Variants in TMEM131L observed in about 807,000 individuals in gnomAD.
TMEM131L encodes transmembrane protein 131-like.
TMEM131L carries 54 observed loss-of-function variants against 192.2 expected under a neutral mutation model. The ratio of observed to expected loss-of-function variants is 0.28; its 90% CI spans 0.23 to 0.35. The LOEUF is 0.35. Ranked by LOEUF, TMEM131L falls within the 10% of genes least tolerant of loss-of-function variation. TMEM131L has a pLI of 1.00. For missense variants in TMEM131L, 1,888 were observed against 1,972.9 expected (o/e 0.96, Z 0.82); for synonymous variants, 701 against 704.9 (o/e 0.99, Z 0.09).
Position 153,586,355 on chromosome 4 carries a change from A to G in TMEM131L, c.1458A>G (p.Leu486=). The change falls in exon 14 of 35, where the codon CTA becomes CTG. Residue 486 remains leucine (L), a synonymous_variant. Transcript: ENST00000409959. The part of the protein sequence containing the change: ...TNIGAIFAIP[L]QIYSAPTKEG... ...TAGGTGCCATTTTTGCAATACCTCTACAGATTTATTCAGCACCAACCAAGG... is the reference window on the plus strand; with the variant it reads ...TAGGTGCCATTTTTGCAATACCTCTGCAGATTTATTCAGCACCAACCAAGG... 1 of 1,604,204 alleles carries G rather than the reference A, an allele frequency of 6.2e-7. No homozygotes were observed. The highest frequency in any genetic ancestry group is 1.1e-5 in the South Asian group (1 of 88,014).
chr4:153,574,520 CTGTG>C (rs1435091719), intron 7 of TMEM131L, among the ~76,000 whole-genome samples: 1 of 152,176 alleles, frequency 6.6e-6, no homozygotes, highest in Non-Finnish European at 1.5e-5. Context: ...GTGCATAATA[CTGTG>C]TGTGGGGGCC....
At chr4:153,631,845 A>G (rs930432045) in intron 31 of TMEM131L, among the ~76,000 whole-genome samples, 2 of 152,110 alleles carry the variant, frequency 1.3e-5, no homozygotes, top group African/African-American at 2.4e-5. Context: ...CTTCCTGGCT[A>G]CACTGATATC....
At chr4:153,532,245 A>G (rs951445154) in intron 3 of TMEM131L, among the ~76,000 whole-genome samples, 1 of 152,222 alleles carries the variant, frequency 6.6e-6, no homozygotes, top group African/African-American at 2.4e-5. Context: ...AATCAAATGC[A>G]TCTGCATATG....
chr4:153,540,629 A>G (rs1736705646), intron 3 of TMEM131L, among the ~76,000 whole-genome samples: 1 of 152,236 alleles, frequency 6.6e-6, no homozygotes, highest in Admixed American at 6.5e-5. Context: ...GAAGAAATGA[A>G]TGTTGGTGGG....
chr4:153,634,937 C>G (rs1020399722), intron 33 of TMEM131L, among the ~76,000 whole-genome samples: 3 of 152,136 alleles, frequency 2.0e-5, no homozygotes, highest in Admixed American at 1.3e-4. Context: ...TTGCTCCATG[C>G]TAACCACAAG....
At chr4:153,530,466 A>G (rs186556003) in intron 3 of TMEM131L, among the ~76,000 whole-genome samples, 103 of 152,262 alleles carry the variant, frequency 6.8e-4, no homozygotes, top group African/African-American at 2.4e-3. Context: ...GCCCAAAGGA[A>G]GTACTGTAGG....
At chr4:153,579,963 G>A (rs1388892111) in intron 7 of TMEM131L, among the ~76,000 whole-genome samples, 1 of 152,194 alleles carries the variant, frequency 6.6e-6, no homozygotes, top group Non-Finnish European at 1.5e-5. Flanking sequence ...AGGCTTTGGA[G>A]AATGCCTTCT....
At chr4:153,586,789 C>T (rs1026255717) in intron 14 of TMEM131L, among the ~76,000 whole-genome samples, 8 of 152,042 alleles carry the variant, frequency 5.3e-5, no homozygotes, top group Non-Finnish European at 8.8e-5. Context: ...CTTAGTTGCT[C>T]GTAATCCTTG....
intron 3 of TMEM131L, among the ~76,000 whole-genome samples, chr4:153,546,598 A>G (rs750610714): frequency 1.7e-4 from 26 of 152,184 alleles, no homozygotes; most frequent in Non-Finnish European, 3.4e-4. Context: ...ACTAAATTTT[A>G]GCAGTTTGTT....
intron 3 of TMEM131L, among the ~76,000 whole-genome samples, chr4:153,542,012 G>A (rs1344385964): frequency 1.3e-5 from 2 of 152,184 alleles, no homozygotes; most frequent in African/African-American, 4.8e-5. Context: ...GGTAAAACTA[G>A]TATCTGGCCC....
intron 7 of TMEM131L, among the ~76,000 whole-genome samples, chr4:153,574,744 T>A (rs1415228344): frequency 6.6e-6 from 1 of 152,164 alleles, no homozygotes; most frequent in Non-Finnish European, 1.5e-5. Flanking sequence ...TGTGCCACCA[T>A]GCCCAGCAAA....
At position 153,556,011 on chromosome 4, in the gene TMEM131L, C is replaced by T. The variant is rs1385601592; in HGVS notation, c.432+101C>T. ...TTTACTTTCTGCTCCCTGTCTCCCG[C>T]TTTTTCTGGTACCCAAACCTTTTCC... On this transcript the variant is annotated intron_variant, in intron 5 of 34. Coordinates refer to ENST00000409959, the MANE Select transcript of TMEM131L (RefSeq NM_001131007.2). 42 of 1,137,830 alleles carry T rather than the reference C, an allele frequency of 3.7e-5. No individual in the cohort carries two copies. The South Asian group carries it at 3.9e-4, about 11-fold the overall frequency. 70.5% of individuals were successfully genotyped at this position (1,137,830 alleles called of 1,614,324 possible).
rs146783878 is a variant in TMEM131L at position 153,592,501 on chromosome 4, G to T, written c.1839G>T (p.Pro613=). 6.2e-7 allele frequency: 1 copy of T among 1,614,004 alleles called. No individual in the cohort carries two copies. The highest frequency in any genetic ancestry group is 8.5e-7 in the Non-Finnish European group (1 of 1,179,944). ...TCAAGTACTTTGTGGTGCAGAACCC[G>T]TCCTCTTGGCCGGTCTCCTTGCAGC... The part of the protein sequence containing the change: ...RMIKYFVVQN[P]SSWPVSLQLL... Residue 613 remains proline (P), a synonymous_variant, in exon 18 of 35, where the codon CCG becomes CCT. Transcript: ENST00000409959.
chr4:153,488,026 C>T (rs1180468515), intron 3 of TMEM131L, among the ~76,000 whole-genome samples: 1 of 140,330 alleles, frequency 7.1e-6, no homozygotes, highest in Admixed American at 7.1e-5. Context: ...CTCTTGTGAG[C>T]CTATGACTGA....
intron 3 of TMEM131L, among the ~76,000 whole-genome samples, chr4:153,495,770 A>G (rs1054012953): frequency 2.6e-5 from 4 of 152,148 alleles, no homozygotes; most frequent in Admixed American, 2.0e-4. Context: ...TTGTGGGTAA[A>G]TTGTGAGGGA....
intron 18 of TMEM131L, 107 bp downstream of exon 18, chr4:153,592,691 C>A: frequency 1.3e-6 from 1 of 797,430 alleles, no homozygotes; most frequent in Non-Finnish European, 2.1e-6. Context: ...TGGATGTGGA[C>A]ACAGTATTAA....
At chr4:153,526,615 G>A (rs1735508708) in intron 3 of TMEM131L, among the ~76,000 whole-genome samples, 1 of 152,082 alleles carries the variant, frequency 6.6e-6, no homozygotes, top group South Asian at 2.1e-4. Context: ...GCGGGCACCT[G>A]TAGTCCCAGC....
At chr4:153,479,142 G>T (rs1020514192) in intron 3 of TMEM131L, among the ~76,000 whole-genome samples, 1 of 152,222 alleles carries the variant, frequency 6.6e-6, no homozygotes, top group Admixed American at 6.5e-5. Context: ...GGACCAGTGT[G>T]AATTCTGGGC....
chr4:153,625,007 CATT>C (rs1368327677), intron 29 of TMEM131L, among the ~76,000 whole-genome samples: 1 of 152,196 alleles, frequency 6.6e-6, no homozygotes, highest in Non-Finnish European at 1.5e-5. Context: ...CCTTTTTAGA[CATT>C]GTTGTCTTAA....
Sources: gnomAD v4.1 joint callset for allele counts (sites outside exome capture counted in the v4.1 genomes callset) on GRCh38, gnomAD v4.1.1 for gene constraint, MANE v1.5 for transcripts, NCBI Gene and HGNC (gene_info 2026-07-23, HGNC 2026-07-21) for gene names.